Variants in AHCYL2 observed in about 807,000 individuals in gnomAD.
AHCYL2 encodes S-adenosylhomocysteine hydrolase-like protein 2.
A neutral mutation model predicts 81.4 loss-of-function variants in AHCYL2; 28 were observed. That is an observed-to-expected ratio of 0.34 (90% CI 0.25 to 0.47). The LOEUF (loss-of-function observed/expected upper bound fraction) is 0.47, where lower values mean the gene tolerates loss of function less well. Ranked by LOEUF, AHCYL2 falls within the 20% of genes least tolerant of loss-of-function variation. The pLI is 1.00. For missense variants in AHCYL2, 551 were observed against 785.1 expected (o/e 0.70, Z 3.56); for synonymous variants, 272 against 290.2 (o/e 0.94, Z 0.64).
intron 1 of AHCYL2, among the ~76,000 whole-genome samples, chr7:129,259,397 C>T (rs9641849): frequency 0.24 from 36,581 of 151,938 alleles, 4,586 homozygotes; most frequent in East Asian, 0.4. Flanking sequence ...GTACTCCTAA[C>T]CTTTGAATTT....
In AHCYL2 at chr7:129,422,763, T is replaced by G. The variant is rs1797173595; in HGVS notation, c.1462-77T>G. The G allele has an allele frequency of 2.3e-6, 3 of 1,297,982 alleles. No homozygotes were observed. The South Asian group carries it at 3.8e-5, about 16-fold the overall frequency. 80.4% of individuals were successfully genotyped at this position (1,297,982 alleles called of 1,614,324 possible). Reference sequence around the variant, plus strand: ...GCTCCTTTCAACCTGCTATTTGAAATGGCTCCCTTCAACATCTTTCTGTTC... The same window carrying G: ...GCTCCTTTCAACCTGCTATTTGAAAGGGCTCCCTTCAACATCTTTCTGTTC... On this transcript the variant is annotated intron_variant, in intron 12 of 16. Coordinates refer to ENST00000325006, the MANE Select transcript of AHCYL2 (RefSeq NM_015328.4).
At chr7:129,227,389 G>A (rs1420547486) in intron 1 of AHCYL2, among the ~76,000 whole-genome samples, 2 of 150,224 alleles carry the variant, frequency 1.3e-5, no homozygotes, top group African/African-American at 2.5e-5. Context: ...GGGAAACCAC[G>A]GCTGGTGGAT....
At chr7:129,330,062 A>AG (rs2150801479) in intron 1 of AHCYL2, among the ~76,000 whole-genome samples, 1 of 152,342 alleles carries the variant, frequency 6.6e-6, no homozygotes, top group South Asian at 2.1e-4. Flanking sequence ...TGGAGTACAG[A>AG]GGCACGATCA....
In AHCYL2 at chr7:129,368,606, C is replaced by A; in HGVS notation, c.364-11032C>A. 3 of 1,592,964 alleles carry A rather than the reference C, an allele frequency of 1.9e-6. No homozygotes were observed. Among genetic ancestry groups the A allele is most frequent in the Non-Finnish European group, 2.6e-6 (3 of 1,161,536 alleles). ...TCTGTTTCTTGATAATGAGAGGCAACCATTTCTGACGGGTGACAAGGATCA... is the reference window on the plus strand; with the variant it reads ...TCTGTTTCTTGATAATGAGAGGCAAACATTTCTGACGGGTGACAAGGATCA... On this transcript the variant is annotated intron_variant, in intron 1 of 16. Transcript: ENST00000325006. The surrounding 1 kb of genome is among the most constrained non-coding windows in gnomAD (Gnocchi z 4.4).
At chr7:129,254,904 GAATT>G (rs780397504) in intron 1 of AHCYL2, among the ~76,000 whole-genome samples, 17 of 152,184 alleles carry the variant, frequency 1.1e-4, no homozygotes, top group Non-Finnish European at 2.2e-4. Flanking sequence ...GTGAGCAACT[GAATT>G]AATCAGAAAT....
Position 129,400,382 on chromosome 7 carries a change from A to T in AHCYL2, c.916A>T (p.Met306Leu), listed in dbSNP as rs572035291. 6.2e-7 allele frequency: 1 copy of T among 1,612,850 alleles called. No homozygotes were observed. The highest frequency in any genetic ancestry group is 1.3e-5 in the African/African-American group (1 of 74,858). ...CVNVEGWQPN[M>L]ILDDGGDLTH... ...GAATGTGGAGGGCTGGCAGCCAAAC[A>T]TGGTGGGTCAGATTTCTGCTAACAC... The change falls in exon 6 of 17, where the codon ATG becomes TTG. Residue 306 changes from methionine (M) to leucine (L), a missense_variant and splice_region_variant. Met to Leu is a conservative substitution (Grantham distance 15). Around this residue, in one of 2 missense-constraint regions of AHCYL2, gnomAD observed 316 missense variants for 543.1 expected, o/e 0.58. Transcript: ENST00000325006.
intron 1 of AHCYL2, among the ~76,000 whole-genome samples, chr7:129,307,379 T>TCCA (rs1486775343): frequency 6.1e-4 from 93 of 152,068 alleles, no homozygotes; most frequent in African/African-American, 2.1e-3. Flanking sequence ...TCTTCCCATG[T>TCCA]CCACCACCAC....
chr7:129,420,320 C>A (rs1797053652), intron 12 of AHCYL2, among the ~76,000 whole-genome samples: 1 of 152,100 alleles, frequency 6.6e-6, no homozygotes, highest in African/African-American at 2.4e-5. Flanking sequence ...ACCTGAAATA[C>A]TTTAAACTCC....
chr7:129,286,671 G>C (rs1420196750), intron 1 of AHCYL2, among the ~76,000 whole-genome samples: 1 of 152,064 alleles, frequency 6.6e-6, no homozygotes, highest in African/African-American at 2.4e-5. Flanking sequence ...ATGTTGGCCA[G>C]CCTGGTCTCC....
chr7:129,412,772 G>C (rs745509093), intron 11 of AHCYL2, among the ~76,000 whole-genome samples: 2 of 152,110 alleles, frequency 1.3e-5, no homozygotes, highest in Non-Finnish European at 2.9e-5. Flanking sequence ...TAATGATGAT[G>C]AGCATCTTTT....
chr7:129,313,935 T>A (rs1797748661), intron 1 of AHCYL2, among the ~76,000 whole-genome samples: 1 of 152,194 alleles, frequency 6.6e-6, no homozygotes, highest in Admixed American at 6.5e-5. Context: ...AATGTTAGAT[T>A]CCAGAAATGT....
chr7:129,276,289 A>T (rs1239276918), intron 1 of AHCYL2, among the ~76,000 whole-genome samples: 4 of 152,144 alleles, frequency 2.6e-5, no homozygotes. Context: ...TAAGAACATT[A>T]AAAAAGCCAA....
chr7:129,271,690 T>C (rs1031573691), intron 1 of AHCYL2, among the ~76,000 whole-genome samples: 2 of 152,234 alleles, frequency 1.3e-5, no homozygotes, highest in African/African-American at 4.8e-5. Context: ...TTATAATTCA[T>C]TGAATTTATA....
At chr7:129,409,603 T>C (rs1796467686) in intron 11 of AHCYL2, 57 bp downstream of exon 11, 1 of 1,406,578 alleles carries the variant, frequency 7.1e-7, no homozygotes, top group Admixed American at 1.8e-5. Context: ...ATGGAGCAGG[T>C]GCAAGATGAT....
In AHCYL2 at chr7:129,368,004, C is replaced by A; in HGVS notation, c.364-11634C>A. ...CGCCTGTTTACTGATCCAAATCAAGCAACTCTTGAGAAATGGGAGTGCCTT... is the reference window on the plus strand; with the variant it reads ...CGCCTGTTTACTGATCCAAATCAAGAAACTCTTGAGAAATGGGAGTGCCTT... On this transcript the variant is annotated intron_variant, in intron 1 of 16. Coordinates refer to ENST00000325006, the MANE Select transcript of AHCYL2 (RefSeq NM_015328.4). The surrounding 1 kb of genome is among the most constrained non-coding windows in gnomAD (Gnocchi z 4.4). The A allele has an allele frequency of 1.5e-6, 1 of 678,430 alleles. No individual in the cohort carries two copies. Among genetic ancestry groups the A allele is most frequent in the Non-Finnish European group, 1.8e-6 (1 of 549,310 alleles). 42.0% of individuals were successfully genotyped at this position (678,430 alleles called of 1,614,324 possible). A position where few individuals can be genotyped will look rare whatever the true frequency, so the allele number is the denominator to read the frequency against.
chr7:129,299,395 T>G (rs1394191165), intron 1 of AHCYL2, among the ~76,000 whole-genome samples: 2 of 69,892 alleles, frequency 2.9e-5, no homozygotes, highest in African/African-American at 7.2e-5. Context: ...TTTTTTTTTT[T>G]TTTTTTTTTT....
intron 1 of AHCYL2, among the ~76,000 whole-genome samples, chr7:129,360,484 G>A (rs932642744): frequency 6.6e-6 from 1 of 152,138 alleles, no homozygotes; most frequent in Admixed American, 6.5e-5. Context: ...TGGGCACTTG[G>A]AATACAAAAA....
chr7:129,309,720 A>T (rs909709701), intron 1 of AHCYL2, among the ~76,000 whole-genome samples: 3 of 152,056 alleles, frequency 2.0e-5, no homozygotes, highest in African/African-American at 4.8e-5. Context: ...TGAGTGCTAT[A>T]AAGTTATGGA....
At position 129,368,567 on chromosome 7, in the gene AHCYL2, G is replaced by A. The variant is rs369592595; in HGVS notation, c.364-11071G>A. On this transcript the variant is annotated intron_variant, in intron 1 of 16. Coordinates refer to ENST00000325006, the MANE Select transcript of AHCYL2 (RefSeq NM_015328.4). The surrounding 1 kb of genome is among the most constrained non-coding windows in gnomAD (Gnocchi z 4.4). ...TGAGTGGATGGTGAGTTCACTGGTC[G>A]TTTTGTTTCTCCTTCTGTTTCTTGA... 3.5e-5 allele frequency: 57 copies of A among 1,613,762 alleles called. No individual in the cohort carries two copies. The African/African-American group carries it at 4.7e-4, about 13-fold the overall frequency.
Sources: allele counts gnomAD v4.1 joint callset (sites outside exome capture counted in the v4.1 genomes callset), GRCh38; gene constraint gnomAD v4.1.1; regional missense constraint gnomAD v4.1.1; non-coding constraint Gnocchi (gnomAD v3.1); transcripts MANE v1.5; gene names NCBI Gene and HGNC (gene_info 2026-07-23, HGNC 2026-07-21).